RAB7A: variants seen among roughly 807,000 people sequenced by gnomAD.
The protein encoded by RAB7A is ras-related protein Rab-7a.
In RAB7A, 2 loss-of-function variants were observed where a neutral mutation model predicts 24.5. The ratio of observed to expected loss-of-function variants is 0.08; its 90% CI spans 0.03 to 0.26. The LOEUF is 0.26. RAB7A is among the 10% of genes least tolerant of loss of function. RAB7A has a pLI of 1.00. For missense variants in RAB7A, 118 were observed against 255.7 expected (o/e 0.46, Z 3.67); for synonymous variants, 100 against 95.9 (o/e 1.04, Z -0.25).
chr3:128,788,938 G>A (rs931035636), intron 1 of RAB7A, among the ~76,000 whole-genome samples: 6 of 152,144 alleles, frequency 3.9e-5, no homozygotes, highest in South Asian at 4.1e-4. Flanking sequence ...GACTGCAGGC[G>A]AATAAAGGAA....
At chr3:128,738,910 G>T (rs2070521148) in intron 1 of RAB7A, among the ~76,000 whole-genome samples, 1 of 152,196 alleles carries the variant, frequency 6.6e-6, no homozygotes, top group Admixed American at 6.5e-5. Flanking sequence ...GCTTTCTTAA[G>T]CAAGGCCATA....
At chr3:128,752,399 G>A (rs147728058) in intron 1 of RAB7A, among the ~76,000 whole-genome samples, 1,812 of 149,952 alleles carry the variant, frequency 0.012, 33 homozygotes, top group African/African-American at 0.04. Flanking sequence ...AGTAAAGGAG[G>A]ATGAGAAAAT....
chr3:128,733,126 A>C (rs2070454834), intron 1 of RAB7A, among the ~76,000 whole-genome samples: 1 of 152,228 alleles, frequency 6.6e-6, no homozygotes, highest in Non-Finnish European at 1.5e-5. Flanking sequence ...ACATATATAC[A>C]GAAAAGTGCA....
intron 1 of RAB7A, among the ~76,000 whole-genome samples, chr3:128,789,172 G>A (rs981046841): frequency 6.6e-6 from 1 of 152,146 alleles, no homozygotes; most frequent in African/African-American, 2.4e-5. Flanking sequence ...ATTAATGGAT[G>A]TTATCTAAAA....
In RAB7A at chr3:128,751,198, A is replaced by G. The variant is rs146012546; in HGVS notation, c.-9+24839A>G. 1.0e-3 allele frequency among the ~76,000 whole-genome samples: 158 copies of G among 152,334 alleles called. 1 individual carries two copies. In the East Asian group the frequency reaches 0.028, roughly 27 times the overall value. ...ATGGAGCCCCCACACAGAGCTCTCCACAGGGAGACTGCCTAGTGGAGCTGT... is the reference window on the plus strand; with the variant it reads ...ATGGAGCCCCCACACAGAGCTCTCCGCAGGGAGACTGCCTAGTGGAGCTGT... On this transcript the variant is annotated intron_variant, in intron 1 of 5. Transcript: ENST00000265062.
intron 1 of RAB7A, among the ~76,000 whole-genome samples, chr3:128,755,452 G>A (rs1273662600): frequency 6.6e-6 from 1 of 151,554 alleles, no homozygotes; most frequent in African/African-American, 2.4e-5. Context: ...CCTTAACAAA[G>A]TAGAAAACAA....
intron 1 of RAB7A, among the ~76,000 whole-genome samples, chr3:128,765,775 T>C (rs13100788): frequency 0.29 from 29,438 of 101,390 alleles, 3,202 homozygotes; most frequent in East Asian, 0.53. Context: ...TTTTTTTTTT[T>C]CCCGAGACAG....
chr3:128,805,245 G>A (rs559307857), intron 3 of RAB7A, among the ~76,000 whole-genome samples: 4 of 152,210 alleles, frequency 2.6e-5, no homozygotes, highest in East Asian at 1.9e-4. Context: ...CAGCAGTCCC[G>A]ATCCTGTTTA....
Position 128,813,472 on chromosome 3 carries a change from G to T in RAB7A, c.*50G>T, listed in dbSNP as rs755728008. 6.6e-7 allele frequency: 1 copy of T among 1,517,214 alleles called. No homozygotes were observed. The highest frequency in any genetic ancestry group is 1.7e-5 in the Admixed American group (1 of 59,862). 94.0% of individuals were successfully genotyped at this position (1,517,214 alleles called of 1,614,324 possible). Reference sequence around the variant, plus strand: ...AGTCCTTCACAAACCAAGAACACACGTAGGCCTTCAACACAATTCCCCTCT... The same window carrying T: ...AGTCCTTCACAAACCAAGAACACACTTAGGCCTTCAACACAATTCCCCTCT... On this transcript the variant is annotated 3_prime_UTR_variant, in exon 6 of 6. Transcript: ENST00000265062.
At chr3:128,786,059 G>A (rs1933332925) in intron 1 of RAB7A, among the ~76,000 whole-genome samples, 1 of 151,994 alleles carries the variant, frequency 6.6e-6, no homozygotes. Flanking sequence ...TTCTATTCTT[G>A]CCCCCTCCCC....
At chr3:128,771,569 A>G (rs1284834839) in intron 1 of RAB7A, among the ~76,000 whole-genome samples, 1 of 152,248 alleles carries the variant, frequency 6.6e-6, no homozygotes, top group Non-Finnish European at 1.5e-5. Context: ...CTTTGTACTC[A>G]TATCTTCACA....
At chr3:128,745,736 A>G (rs1000858121) in intron 1 of RAB7A, among the ~76,000 whole-genome samples, 6 of 152,260 alleles carry the variant, frequency 3.9e-5, no homozygotes, top group African/African-American at 1.4e-4. Flanking sequence ...AACACAGTCC[A>G]GGCTCTGACA....
In RAB7A at chr3:128,814,279, A is replaced by G. The variant is rs1033532512; in HGVS notation, c.*857A>G. ...AGACTTAAGAGCCAAAAAGCTTTTC[A>G]TCTCTCCAGGGGGAAAACTGTCTAG... On this transcript the variant is annotated 3_prime_UTR_variant, in exon 6 of 6. Coordinates refer to ENST00000265062, the MANE Select transcript of RAB7A (RefSeq NM_004637.6). 1 of 152,920 alleles carries G rather than the reference A, an allele frequency of 6.5e-6. No homozygotes were observed. The highest frequency in any genetic ancestry group is 2.4e-5 in the African/African-American group (1 of 41,464). 9.5% of individuals were successfully genotyped at this position (152,920 alleles called of 1,614,324 possible). A position where few individuals can be genotyped will look rare whatever the true frequency, so the allele number is the denominator to read the frequency against.
At chr3:128,806,347 G>GGAAC in intron 3 of RAB7A, 25 bp from the exon 4 acceptor site, 1 of 1,589,410 alleles carries the variant, frequency 6.3e-7, no homozygotes, top group African/African-American at 1.3e-5. Flanking sequence ...ATTCTCCCAA[G>GGAAC]GAATGAATGT....
chr3:128,765,042 G>A, intron 1 of RAB7A: 1 of 1,325,410 alleles, frequency 7.5e-7, no homozygotes, highest in Non-Finnish European at 1.1e-6. Context: ...AGAGGTGGCG[G>A]CGGTGGCTGC....
chr3:128,760,538 G>A (rs1331033681), intron 1 of RAB7A, among the ~76,000 whole-genome samples: 1 of 152,192 alleles, frequency 6.6e-6, no homozygotes, highest in African/African-American at 2.4e-5. Context: ...ACAATGTAGA[G>A]TGCTAATAGC....
At chr3:128,780,016 A>G (rs1218145870) in intron 1 of RAB7A, among the ~76,000 whole-genome samples, 1 of 152,212 alleles carries the variant, frequency 6.6e-6, no homozygotes, top group Non-Finnish European at 1.5e-5. Context: ...GAGTGAAGTC[A>G]TGGGACAGGG....
chr3:128,742,140 T>C (rs866636252), intron 1 of RAB7A, among the ~76,000 whole-genome samples: 2 of 152,162 alleles, frequency 1.3e-5, no homozygotes, highest in African/African-American at 4.8e-5. Flanking sequence ...GGAGTGAAGC[T>C]GCAGACCTCC....
At chr3:128,731,433 T>G (rs73196979) in intron 1 of RAB7A, among the ~76,000 whole-genome samples, 6,315 of 152,344 alleles carry the variant, frequency 0.041, 178 homozygotes, top group Non-Finnish European at 0.058. Flanking sequence ...TGTTAATGGT[T>G]GTTAAAAAAG....
Sources: gnomAD v4.1 joint callset for allele counts (sites outside exome capture counted in the v4.1 genomes callset) on GRCh38, gnomAD v4.1.1 for gene constraint, MANE v1.5 for transcripts, NCBI Gene and HGNC (gene_info 2026-07-23, HGNC 2026-07-21) for gene names.